Variants in NWD1 observed in about 807,000 individuals in gnomAD.
NWD1 encodes the protein NACHT domain- and WD repeat-containing protein 1.
A neutral mutation model predicts 135.1 loss-of-function variants in NWD1; 129 were observed. The ratio of observed to expected loss-of-function variants is 0.96; its 90% confidence interval spans 0.83 to 1.11. The LOEUF (loss-of-function observed/expected upper bound fraction) is 1.11. NWD1 is among the 50% of genes least tolerant of loss of function. NWD1 has a pLI of 0.00. For missense variants in NWD1, 1,740 were observed against 1,851.3 expected (o/e 0.94, Z 1.10); for synonymous variants, 773 against 786.0 (o/e 0.98, Z 0.28).
intron 18 of NWD1, among the ~76,000 whole-genome samples, chr19:16,811,026 T>G (rs1454284072): frequency 6.6e-6 from 1 of 152,116 alleles, no homozygotes; most frequent in Non-Finnish European, 1.5e-5. Context: ...CCACTGCACC[T>G]GGCTAATTTT....
At chr19:16,721,792 T>C (rs1381066255) in intron 1 of NWD1, among the ~76,000 whole-genome samples, 10 of 152,118 alleles carry the variant, frequency 6.6e-5, no homozygotes, top group Admixed American at 6.6e-4. Context: ...TCAACTCTAT[T>C]TACTGGGCCT....
chr19:16,778,326 T>C (rs1333652311), intron 11 of NWD1, among the ~76,000 whole-genome samples: 2 of 152,204 alleles, frequency 1.3e-5, no homozygotes, highest in African/African-American at 4.8e-5. Flanking sequence ...GCAGAGATCC[T>C]TGGGGTGTGT....
At chr19:16,775,821 C>T (rs1339308812) in intron 11 of NWD1, among the ~76,000 whole-genome samples, 5 of 152,124 alleles carry the variant, frequency 3.3e-5, no homozygotes, top group Non-Finnish European at 1.5e-5. Context: ...GCACATGCCA[C>T]CATGCCTGGC....
At chr19:16,764,403 C>CCA in intron 9 of NWD1, among the ~76,000 whole-genome samples, 1 of 149,448 alleles carries the variant, frequency 6.7e-6, no homozygotes, top group South Asian at 2.1e-4. Context: ...ATCCATCCAT[C>CCA]TAACTATCCA....
chr19:16,761,038 C>T (rs1001565482), intron 7 of NWD1, among the ~76,000 whole-genome samples: 1 of 152,234 alleles, frequency 6.6e-6, no homozygotes, highest in African/African-American at 2.4e-5. Context: ...TCCCTAACCC[C>T]TGGCAGCCAC....
At chr19:16,724,841 T>C (rs557095264) in intron 2 of NWD1, among the ~76,000 whole-genome samples, 2 of 150,526 alleles carry the variant, frequency 1.3e-5, no homozygotes, top group Admixed American at 1.3e-4. Flanking sequence ...TACAGGCATG[T>C]GACACCATAC....
intron 15 of NWD1, among the ~76,000 whole-genome samples, chr19:16,797,497 A>C (rs148080078): frequency 5.7e-4 from 86 of 151,930 alleles, no homozygotes; most frequent in African/African-American, 2.0e-3. Context: ...CACCTGGCTA[A>C]TTTTTGTATT....
intron 5 of NWD1, among the ~76,000 whole-genome samples, chr19:16,746,357 A>ATC (rs1968315212): frequency 6.7e-6 from 1 of 150,342 alleles, no homozygotes; most frequent in South Asian, 2.1e-4. Flanking sequence ...GAGACCCCGT[A>ATC]TCAAACAAAC....
chr19:16,759,411 C>A lies in NWD1; in HGVS notation c.1956C>A (p.Leu652=). 1 of 1,567,126 alleles carries A rather than the reference C, an allele frequency of 6.4e-7. No individual in the cohort carries two copies. Among genetic ancestry groups the A allele is most frequent in the Non-Finnish European group, 8.6e-7 (1 of 1,159,192 alleles). The change falls in exon 7 of 19, where the codon CTC becomes CTA. Residue 652 remains leucine (L), a synonymous_variant. Transcript: ENST00000524140. ...LARRPVDGFT[L]LAIAHRQLVE... is the part of the protein sequence containing the mutation. ...GGCGGCCCGTGGATGGCTTCACCCT[C>A]CTGGCCATTGCCCACAGGTAGGTCC...
chr19:16,745,121 AAAG>A (rs1968253693), intron 5 of NWD1: 2 of 460,942 alleles, frequency 4.3e-6, no homozygotes, highest in Admixed American at 4.7e-5. Flanking sequence ...AAGGAGAAGC[AAAG>A]AGGCACATCT....
At chr19:16,732,614 T>TTTTC (rs71180322) in intron 3 of NWD1, among the ~76,000 whole-genome samples, 3 of 123,036 alleles carry the variant, frequency 2.4e-5, no homozygotes, top group Non-Finnish European at 4.9e-5. Flanking sequence ...TTTTTTTTTT[T>TTTTC]CAGATGAGGT....
Position 16,751,432 on chromosome 19 carries a change from AAAGG to A in NWD1, c.1769+1035_1769+1038del, listed in dbSNP as rs201853862. Among the ~76,000 whole-genome samples the A allele has an allele frequency of 7.4e-3, 1,121 of 151,504 alleles. 8 individuals carry two copies. The highest frequency in any genetic ancestry group is 0.025 in the African/African-American group (1,031 of 41,254). On this transcript the variant is annotated intron_variant, in intron 6 of 18. Transcript: ENST00000524140. Reference sequence around the variant, plus strand: ...GACAGAAAGGAAGAGTGAAAGAAGGAAAGGAAGGAAGGAAGGAGAGAGAAAGAAA... The same window carrying A: ...GACAGAAAGGAAGAGTGAAAGAAGGAAAGGAAGGAAGGAGAGAGAAAGAAA...
At chr19:16,734,923 T>G (rs900301613) in intron 3 of NWD1, among the ~76,000 whole-genome samples, 7 of 152,034 alleles carry the variant, frequency 4.6e-5, no homozygotes, top group African/African-American at 1.2e-4. Flanking sequence ...ACTTGCTTTT[T>G]TATTTCTTAA....
At chr19:16,753,303 G>A (rs1968650165) in intron 6 of NWD1, among the ~76,000 whole-genome samples, 1 of 152,158 alleles carries the variant, frequency 6.6e-6, no homozygotes, top group South Asian at 2.1e-4. Flanking sequence ...CAAAGTACAG[G>A]GAGACAGAAA....
intron 12 of NWD1, among the ~76,000 whole-genome samples, chr19:16,784,998 C>T (rs1235043042): frequency 6.6e-6 from 1 of 151,112 alleles, no homozygotes; most frequent in Non-Finnish European, 1.5e-5. Flanking sequence ...TGTGCGACTC[C>T]CATGGATATG....
intron 2 of NWD1, among the ~76,000 whole-genome samples, chr19:16,726,516 T>G (rs1967334928): frequency 6.6e-6 from 1 of 152,060 alleles, no homozygotes; most frequent in Non-Finnish European, 1.5e-5. Context: ...CTTAGTTCAC[T>G]GCAACCTCCA....
intron 10 of NWD1, among the ~76,000 whole-genome samples, chr19:16,770,298 G>T (rs998638631): frequency 6.6e-5 from 10 of 152,018 alleles, no homozygotes; most frequent in African/African-American, 2.4e-4. Flanking sequence ...ATCTGATGGG[G>T]CTTTTTAAAA....
intron 16 of NWD1, 47 bp downstream of exon 16, chr19:16,797,933 C>G (rs528279974): frequency 6.5e-7 from 1 of 1,548,392 alleles, no homozygotes; most frequent in Non-Finnish European, 8.8e-7. Context: ...ACCTCGGGAA[C>G]AGACACTGAT....
At chr19:16,733,802 CG>C (rs60646446) in intron 3 of NWD1, among the ~76,000 whole-genome samples, 53,961 of 151,840 alleles carry the variant, frequency 0.36, 10,911 homozygotes, top group African/African-American at 0.54. Context: ...CGGGAGACGG[CG>C]GTCCCTCCAG....
Sources: gnomAD v4.1 joint callset for allele counts (sites outside exome capture counted in the v4.1 genomes callset) on GRCh38, gnomAD v4.1.1 for gene constraint, MANE v1.5 for transcripts, NCBI Gene and HGNC (gene_info 2026-07-23, HGNC 2026-07-21) for gene names.